Variants in ENOSF1 observed in about 807,000 individuals in gnomAD.
ENOSF1 encodes the protein mitochondrial enolase superfamily member 1.
Under a neutral mutation model 68.2 loss-of-function variants are expected in ENOSF1, and 73 were observed. The observed-to-expected ratio is 1.07, with a 90% CI of 0.89 to 1.30. The LOEUF (loss-of-function observed/expected upper bound fraction) is 1.30. Ranked by LOEUF, ENOSF1 falls within the 50% of genes most tolerant of loss-of-function variation. The pLI is 0.00. For missense variants in ENOSF1, 589 were observed against 554.5 expected (o/e 1.06, Z -0.62); for synonymous variants, 223 against 210.4 (o/e 1.06, Z -0.52).
chr18:692,670 A>G, intron 5 of ENOSF1: 3 of 984,464 alleles, frequency 3.0e-6, no homozygotes, highest in Non-Finnish European at 3.6e-6. Flanking sequence ...ACAGGATCCA[A>G]AAATGGAGGG....
chr18:694,178 C>T lies in ENOSF1; in HGVS notation c.396+70G>A, dbSNP rs886259197. ...GGGGGCTGCAGTGTGTCTGTCTTTC[C>T]TCTGTGCGTAGGGAAAGTCAGTGTC... On this transcript the variant is annotated intron_variant, in intron 4 of 15. Coordinates refer to ENST00000647584, the MANE Select transcript of ENOSF1 (RefSeq NM_017512.7). The T allele has an allele frequency of 2.0e-5, 30 of 1,471,700 alleles. No individual in the cohort carries two copies. The South Asian group carries it at 3.2e-4, about 16-fold the overall frequency. 91.2% of individuals were successfully genotyped at this position (1,471,700 alleles called of 1,614,324 possible).
chr18:698,768 G>A (rs2078012068), intron 2 of ENOSF1, among the ~76,000 whole-genome samples: 1 of 152,090 alleles, frequency 6.6e-6, no homozygotes, highest in African/African-American at 2.4e-5. Flanking sequence ...CCACAGGCTT[G>A]AGCTGCCATG....
intron 2 of ENOSF1, among the ~76,000 whole-genome samples, chr18:701,495 C>G (rs2078335575): frequency 6.6e-6 from 1 of 152,112 alleles, no homozygotes; most frequent in Non-Finnish European, 1.5e-5. Context: ...TGGCTCACGC[C>G]TGTAATCCCA....
At chr18:706,645 G>T in intron 1 of ENOSF1, 67 bp from the exon 2 acceptor site, 2 of 1,187,488 alleles carry the variant, frequency 1.7e-6, no homozygotes, top group Non-Finnish European at 2.5e-6. Context: ...CCATGAGAAT[G>T]ATGTCACATG....
the ENOSF1 span, among the ~76,000 whole-genome samples, chr18:665,065 A>G: frequency 2.6e-5 from 4 of 151,742 alleles, no homozygotes; most frequent in East Asian, 3.9e-4. Flanking sequence ...CTCTTTTTCT[A>G]TTGATTGGAA....
At chr18:701,066 G>A (rs1007975123) in intron 2 of ENOSF1, among the ~76,000 whole-genome samples, 1 of 152,070 alleles carries the variant, frequency 6.6e-6, no homozygotes, top group Admixed American at 6.6e-5. Context: ...AGCACTGGAA[G>A]GACATTGAGT....
chr18:688,976 C>CAGT (rs751419727), intron 8 of ENOSF1, among the ~76,000 whole-genome samples: 21 of 152,244 alleles, frequency 1.4e-4, no homozygotes, highest in Non-Finnish European at 2.4e-4. Flanking sequence ...GAAGTGGGCA[C>CAGT]AGTGTAAGGA....
downstream of ENOSF1, among the ~76,000 whole-genome samples, chr18:667,364 A>AGATGGTGATGGTGATGGT (rs1452151862): frequency 2.4e-4 from 2 of 8,422 alleles, 1 homozygote; most frequent in Non-Finnish European, 3.9e-4. Context: ...ATGGTGATGG[A>AGATGGTGATGGTGATGGT]GATGGTGATG....
chr18:708,468 C>T (rs559379637), intron 1 of ENOSF1, among the ~76,000 whole-genome samples: 1 of 151,968 alleles, frequency 6.6e-6, no homozygotes, highest in South Asian at 2.1e-4. Context: ...CCCAGGAGTT[C>T]GAGACTAGCC....
chr18:675,678 T>G, intron 14 of ENOSF1: 1 of 330,508 alleles, frequency 3.0e-6, no homozygotes, highest in Non-Finnish European at 5.6e-6. Flanking sequence ...CAATTCAGAC[T>G]CTGTAAATAT....
downstream of ENOSF1, among the ~76,000 whole-genome samples, chr18:666,171 G>A (rs978893316): frequency 8.0e-5 from 12 of 149,626 alleles, no homozygotes; most frequent in Non-Finnish European, 1.5e-4. Flanking sequence ...TAGGTCAGAT[G>A]ATTGGCACTT....
chr18:667,016 GAGA>G (rs1265062718), downstream of ENOSF1, among the ~76,000 whole-genome samples: 35 of 6,940 alleles, frequency 5.0e-3, 3 homozygotes, highest in South Asian at 0.01. Flanking sequence ...GATGGTGATG[GAGA>G]TGGAGATGGT....
intron 12 of ENOSF1, chr18:678,167 A>C (rs540833376): frequency 7.9e-5 from 26 of 328,808 alleles, no homozygotes; most frequent in Non-Finnish European, 1.4e-4. Flanking sequence ...GATAAGTGGG[A>C]GATGAAGCAT....
At chr18:709,090 T>C (rs1200986919) in intron 1 of ENOSF1, among the ~76,000 whole-genome samples, 1 of 152,136 alleles carries the variant, frequency 6.6e-6, no homozygotes, top group Non-Finnish European at 1.5e-5. Context: ...GAATGGAAGT[T>C]GACTTCCGAT....
chr18:677,492 G>A (rs750544523), intron 13 of ENOSF1, 48 bp from the exon 14 acceptor site: 2 of 1,536,136 alleles, frequency 1.3e-6, no homozygotes, highest in Non-Finnish European at 1.8e-6. Flanking sequence ...GGCAGGGAGA[G>A]GAAGGGGTGA....
chr18:670,350 G>A lies in ENOSF1; in HGVS notation c.*3955C>T, dbSNP rs994712089. 8 of 210,938 alleles carry A rather than the reference G, an allele frequency of 3.8e-5. No homozygotes were observed. Among genetic ancestry groups the A allele is most frequent in the Non-Finnish European group, 6.7e-5 (7 of 104,670 alleles). The allele number at this position is 210,938 out of a possible 1,614,324, so 13.1% of individuals were successfully genotyped here. A position where few individuals can be genotyped will look rare whatever the true frequency, so the allele number is the denominator to read the frequency against. On this transcript the variant is annotated 3_prime_UTR_variant, in exon 16 of 16. Coordinates refer to ENST00000647584, the MANE Select transcript of ENOSF1 (RefSeq NM_017512.7). ...CCATGTAATAGAGACTTTTAATATA[G>A]GAGGGTGTACCAGAAGCACCAGTTT...
Position 678,687 on chromosome 18 carries a change from G to A in ENOSF1, c.918+9C>T. The A allele has an allele frequency of 5.6e-6, 9 of 1,613,694 alleles. No individual in the cohort carries two copies. Among genetic ancestry groups the A allele is most frequent in the South Asian group, 2.2e-5 (2 of 91,070 alleles). On this transcript the variant is annotated intron_variant, in intron 12 of 15. Coordinates refer to ENST00000647584, the MANE Select transcript of ENOSF1 (RefSeq NM_017512.7). Reference sequence around the variant, plus strand: ...GGGACGTCATCCACCTGTTGGGGGCGTCACTCACCTGTTCTCCTGTGGCAA... The same window carrying A: ...GGGACGTCATCCACCTGTTGGGGGCATCACTCACCTGTTCTCCTGTGGCAA...
At chr18:701,482 C>T (rs1473027651) in intron 2 of ENOSF1, among the ~76,000 whole-genome samples, 2 of 151,880 alleles carry the variant, frequency 1.3e-5, no homozygotes, top group African/African-American at 2.4e-5. Flanking sequence ...AGGCTGGCCA[C>T]GGTGGCTCAC....
chr18:694,313 C>A lies in ENOSF1; in HGVS notation c.331G>T (p.Val111Leu), dbSNP rs773336440. 7 of 1,614,014 alleles carry A rather than the reference C, an allele frequency of 4.3e-6. No homozygotes were observed. The highest frequency in any genetic ancestry group is 2.7e-5 in the African/African-American group (2 of 74,894). The change falls in exon 4 of 16, where the codon GTG becomes TTG. Residue 111 changes from valine (V) to leucine (L), a missense_variant. Transcript: ENST00000647584. Reference sequence around the variant, plus strand: ...AGGACGGCCGCTGTCGCCAGGTGCACCACGCCCTTTTCTGGACCAATCTGG... The same window carrying A: ...AGGACGGCCGCTGTCGCCAGGTGCAACACGCCCTTTTCTGGACCAATCTGG... The part of the protein sequence containing the change: ...LRWIGPEKGV[V>L]HLATAAVLNA...
Sources: gnomAD v4.1 joint callset for allele counts (sites outside exome capture counted in the v4.1 genomes callset) on GRCh38, gnomAD v4.1.1 for gene constraint, MANE v1.5 for transcripts, NCBI Gene and HGNC (gene_info 2026-07-23, HGNC 2026-07-21) for gene names.